ATP6V1H: variants seen among roughly 807,000 people sequenced by gnomAD.
ATP6V1H encodes V-type proton ATPase subunit H.
A neutral mutation model predicts 71.7 loss-of-function variants in ATP6V1H; 39 were observed. The observed-to-expected ratio is 0.54, with a 90% confidence interval of 0.42 to 0.71. The LOEUF is 0.71. Among genes scored for constraint, ATP6V1H ranks in the 30% least tolerant of loss-of-function variants. ATP6V1H has a pLI of 0.00. For synonymous variants in ATP6V1H, 192 were observed against 199.3 expected, an observed-to-expected ratio of 0.96 and a Z score of 0.31; for missense variants, 509 against 594.9, an observed-to-expected ratio of 0.86 and a Z score of 1.50.
intron 13 of ATP6V1H, among the ~76,000 whole-genome samples, chr8:53,725,678 T>G (rs976334151): frequency 1.3e-5 from 2 of 151,106 alleles, no homozygotes; most frequent in Non-Finnish European, 2.9e-5. Context: ...AAAAAGACAG[T>G]CAGCAAGGTT....
At chr8:53,837,297 C>G (rs1811188553) in intron 2 of ATP6V1H, among the ~76,000 whole-genome samples, 1 of 152,166 alleles carries the variant, frequency 6.6e-6, no homozygotes, top group South Asian at 2.1e-4. Context: ...ATACTCCATT[C>G]ATAATTTAGT....
rs775902020 is a variant in ATP6V1H at position 53,829,471 on chromosome 8, T to C, written c.279A>G (p.Ile93Met). The change falls in exon 4 of 14, where the codon ATA becomes ATG. Residue 93 changes from isoleucine (I) to methionine (M), a missense_variant. This residue lies in a region of ATP6V1H where 297 missense variants were observed against 303.3 expected (regional missense o/e 0.98). Coordinates refer to ENST00000359530, the MANE Select transcript of ATP6V1H (RefSeq NM_015941.4). The part of the protein sequence containing the change: ...HICKEQTVQY[I>M]LTMVDDMLQE... ...GCAGCATATCATCCACCATAGTTAG[T>C]ATATACTGAACGGTCTGTTCTTTGC... The C allele has an allele frequency of 3.7e-6, 6 of 1,606,028 alleles. No individual in the cohort carries two copies. The highest frequency in any genetic ancestry group is 5.1e-6 in the Non-Finnish European group (6 of 1,176,434).
At chr8:53,759,797 A>G (rs954974628) in intron 11 of ATP6V1H, among the ~76,000 whole-genome samples, 3 of 152,192 alleles carry the variant, frequency 2.0e-5, no homozygotes, top group Non-Finnish European at 4.4e-5. Flanking sequence ...TTTCAAAACT[A>G]CTAACATACA....
intron 13 of ATP6V1H, among the ~76,000 whole-genome samples, chr8:53,720,512 C>CT (rs893096042): frequency 6.6e-6 from 1 of 152,220 alleles, no homozygotes; most frequent in Non-Finnish European, 1.5e-5. Context: ...ACTTACTTAG[C>CT]TATAGTAACT....
intron 13 of ATP6V1H, among the ~76,000 whole-genome samples, chr8:53,738,297 A>C (rs1030478939): frequency 2.2e-5 from 2 of 89,194 alleles, no homozygotes; most frequent in Admixed American, 1.1e-4. Context: ...ACTCTGCCTC[A>C]AAAAAAAAAA....
chr8:53,778,880 G>A (rs1808992023), intron 9 of ATP6V1H, among the ~76,000 whole-genome samples: 1 of 152,156 alleles, frequency 6.6e-6, no homozygotes, highest in South Asian at 2.1e-4. Context: ...AAAAGATATA[G>A]CATGCAACCA....
At chr8:53,719,504 T>C (rs1230092162) in intron 13 of ATP6V1H, among the ~76,000 whole-genome samples, 1 of 152,206 alleles carries the variant, frequency 6.6e-6, no homozygotes, top group Non-Finnish European at 1.5e-5. Flanking sequence ...AATGACATTA[T>C]GTAGTCAATG....
In ATP6V1H at chr8:53,822,395, A is replaced by T. The variant is rs557087954; in HGVS notation, c.307-4865T>A. On this transcript the variant is annotated intron_variant, in intron 4 of 13. Transcript: ENST00000359530. Reference sequence around the variant, plus strand: ...AGTAAAAAATAGCCACTAAAAAATGAGAAGAGAGGAAAAGTAGAATAAGTT... The same window carrying T: ...AGTAAAAAATAGCCACTAAAAAATGTGAAGAGAGGAAAAGTAGAATAAGTT... Among the ~76,000 whole-genome samples the T allele has an allele frequency of 9.2e-5, 14 of 152,270 alleles. No individual in the cohort carries two copies. In the South Asian group the frequency reaches 1.7e-3, roughly 18 times the overall value.
chr8:53,820,119 A>G (rs914726956), intron 4 of ATP6V1H, among the ~76,000 whole-genome samples: 1 of 152,002 alleles, frequency 6.6e-6, no homozygotes, highest in African/African-American at 2.4e-5. Flanking sequence ...AAGGAAGGAT[A>G]TGGGCACAGG....
In ATP6V1H at chr8:53,715,937, A is replaced by C; in HGVS notation, c.*27T>G. On this transcript the variant is annotated 3_prime_UTR_variant, in exon 14 of 14. Coordinates refer to ENST00000359530, the MANE Select transcript of ATP6V1H (RefSeq NM_015941.4). The stretch of plus-strand genomic sequence containing the variant: ...TGCTCCCACTACTGGTTCTGCATTG[A>C]GGCGGAGGGGAAGGCCAGAGGCAGG... 6.2e-7 allele frequency: 1 copy of C among 1,603,446 alleles called. No individual in the cohort carries two copies. Among genetic ancestry groups the C allele is most frequent in the Non-Finnish European group, 8.5e-7 (1 of 1,174,660 alleles).
intron 4 of ATP6V1H, among the ~76,000 whole-genome samples, chr8:53,820,666 CAAAAAAA>C (rs111738763): frequency 2.7e-5 from 2 of 73,680 alleles, no homozygotes; most frequent in Non-Finnish European, 5.6e-5. Flanking sequence ...GATTTTATCT[CAAAAAAA>C]AAAAAAAAAG....
intron 13 of ATP6V1H, among the ~76,000 whole-genome samples, chr8:53,717,359 C>T (rs753478960): frequency 7.9e-5 from 12 of 152,166 alleles, no homozygotes; most frequent in South Asian, 2.1e-4. Context: ...TGAAGTGTCA[C>T]GCACCACTCC....
intron 11 of ATP6V1H, among the ~76,000 whole-genome samples, chr8:53,768,700 T>C (rs1012913302): frequency 6.6e-6 from 1 of 152,142 alleles, no homozygotes; most frequent in African/African-American, 2.4e-5. Context: ...AAATCTATTA[T>C]ATGATTCCAT....
chr8:53,740,259 T>C (rs1807365027), intron 13 of ATP6V1H, among the ~76,000 whole-genome samples: 1 of 152,214 alleles, frequency 6.6e-6, no homozygotes, highest in African/African-American at 2.4e-5. Flanking sequence ...AATTTTGAAA[T>C]TATACCTAAA....
At chr8:53,772,662 CA>C (rs1181331710) in intron 9 of ATP6V1H, among the ~76,000 whole-genome samples, 1 of 152,146 alleles carries the variant, frequency 6.6e-6, no homozygotes, top group Non-Finnish European at 1.5e-5. Context: ...GAACAATTAT[CA>C]GAAAAGTTTT....
At chr8:53,799,237 C>T (rs1809836525) in intron 8 of ATP6V1H, among the ~76,000 whole-genome samples, 1 of 152,032 alleles carries the variant, frequency 6.6e-6, no homozygotes, top group Admixed American at 6.6e-5. Context: ...TTGTCTTATG[C>T]TGTTTTATCA....
At chr8:53,735,898 G>A (rs557310366) in intron 13 of ATP6V1H, among the ~76,000 whole-genome samples, 75 of 152,196 alleles carry the variant, frequency 4.9e-4, no homozygotes, top group Admixed American at 1.6e-3. Flanking sequence ...GGCTAACACC[G>A]GCATCTCAGG....
rs1197514787 is a variant in ATP6V1H at position 53,835,209 on chromosome 8, C to A, written c.114-2123G>T. Among the ~76,000 whole-genome samples, 6 of 152,266 alleles carry A rather than the reference C, an allele frequency of 3.9e-5. No homozygotes were observed. The East Asian group carries it at 9.6e-4, about 24-fold the overall frequency. On this transcript the variant is annotated intron_variant, in intron 2 of 13. Transcript: ENST00000359530. ...ACTTTCAGAGCTGCCTCGGGTCAGG[C>A]TCCCAGAGCTGGGCCCTGAGACGAA...
At chr8:53,728,198 T>G (rs567584265) in intron 13 of ATP6V1H, among the ~76,000 whole-genome samples, 1 of 152,258 alleles carries the variant, frequency 6.6e-6, no homozygotes, top group Admixed American at 6.5e-5. Flanking sequence ...CTCCTTAATG[T>G]GACAAGGAAG....
Sources: gnomAD v4.1 joint callset for allele counts (sites outside exome capture counted in the v4.1 genomes callset) on GRCh38, gnomAD v4.1.1 for gene constraint, gnomAD v4.1.1 regional missense constraint, MANE v1.5 for transcripts, NCBI Gene and HGNC (gene_info 2026-07-23, HGNC 2026-07-21) for gene names.